Variants in GJB5 observed in about 807,000 individuals in gnomAD.
GJB5 encodes gap junction protein beta 5.
For missense variants in GJB5, 333 were observed against 357.9 expected (o/e 0.93, Z 0.56); for synonymous variants, 146 against 145.5 (o/e 1.00, Z -0.02).
At chr1:34,755,549 T>C (rs1461428653) in intron 1 of GJB5, among the ~76,000 whole-genome samples, 1 of 152,136 alleles carries the variant, frequency 6.6e-6, no homozygotes, top group African/African-American at 2.4e-5. Context: ...GGACTGAGCA[T>C]GCAAGATGGT....
Position 34,757,623 on chromosome 1 carries a change from G to A in GJB5, c.293G>A (p.Arg98Gln), listed in dbSNP as rs201232208. Residue 98 changes from arginine to glutamine, a missense_variant, in exon 2 of 2, where the codon CGG (arginine) becomes CAG (glutamine). By Grantham distance (43) the Arg-to-Gln change is conservative. Coordinates refer to ENST00000338513, the MANE Select transcript of GJB5 (RefSeq NM_005268.4). Reference protein sequence around the residue: ...SLLVVMHVAYREVQEKRHREA... With the variant: ...SLLVVMHVAYQEVQEKRHREA... ...CTCGTGGTCATGCACGTGGCCTACC[G>A]GGAGGTTCAGGAGAAGAGGCACCGA... The A allele has an allele frequency of 1.6e-4, 263 of 1,614,004 alleles. 2 individuals carry two copies. Among genetic ancestry groups the A allele is most frequent in the Middle Eastern group, 6.6e-4 (4 of 6,060 alleles).
At position 34,757,775 on chromosome 1, in the gene GJB5, T is replaced by A; in HGVS notation, c.445T>A (p.Phe149Ile). ...CGTGGACATCGCCTTTCTCTATGTG[T>A]TCCACTCATTCTACCCCAAATATAT... ...ASVDIAFLYVFHSFYPKYILP... is the reference protein window; with the variant it reads ...ASVDIAFLYVIHSFYPKYILP... The change falls in exon 2 of 2, where the codon TTC (phenylalanine) becomes ATC (isoleucine). Residue 149 changes from phenylalanine (F) to isoleucine (I), a missense_variant. Coordinates refer to ENST00000338513, the MANE Select transcript of GJB5 (RefSeq NM_005268.4). 1 of 1,613,988 alleles carries A rather than the reference T, an allele frequency of 6.2e-7. No individual in the cohort carries two copies. Among genetic ancestry groups the A allele is most frequent in the Non-Finnish European group, 8.5e-7 (1 of 1,179,994 alleles).
intron 1 of GJB5, among the ~76,000 whole-genome samples, chr1:34,757,081 T>C (rs765289591): frequency 6.6e-6 from 1 of 152,206 alleles, no homozygotes; most frequent in Non-Finnish European, 1.5e-5. Flanking sequence ...AGCTGGGTTC[T>C]GGACTTAATT....
At chr1:34,756,468 G>A (rs900663714) in intron 1 of GJB5, among the ~76,000 whole-genome samples, 1 of 152,168 alleles carries the variant, frequency 6.6e-6, no homozygotes, top group Non-Finnish European at 1.5e-5. Context: ...ACCTCTTTTG[G>A]TGAATTTATT....
Position 34,755,079 on chromosome 1 carries a change from G to A in GJB5, c.-141G>A, listed in dbSNP as rs1407677513. ...CCGGCAGGCTCTGTCCTGGAAACAGGCTTCAACGGGCTTCCCCGAAAACCT... is the reference window on the plus strand; with the variant it reads ...CCGGCAGGCTCTGTCCTGGAAACAGACTTCAACGGGCTTCCCCGAAAACCT... On this transcript the variant is annotated 5_prime_UTR_variant, in exon 1 of 2. Coordinates refer to ENST00000338513, the MANE Select transcript of GJB5 (RefSeq NM_005268.4). 1.3e-5 allele frequency: 2 copies of A among 152,436 alleles called. No homozygotes were observed. Among genetic ancestry groups the A allele is most frequent in the Non-Finnish European group, 2.9e-5 (2 of 68,232 alleles). The allele number at this position is 152,436 out of a possible 1,614,324, so 9.4% of individuals were successfully genotyped here.
Position 34,758,124 on chromosome 1 carries a change from G to A in GJB5, c.794G>A (p.Arg265Gln), listed in dbSNP as rs548262674. 44 of 1,613,816 alleles carry A rather than the reference G, an allele frequency of 2.7e-5. No homozygotes were observed. Among genetic ancestry groups the A allele is most frequent in the Middle Eastern group, 1.6e-4 (1 of 6,062 alleles). Reference sequence around the variant, plus strand: ...CCTCCTCTCTTACCAGACCGCCCCCGAGACCATGTGAAGAAAACCATCTTG... The same window carrying A: ...CCTCCTCTCTTACCAGACCGCCCCCAAGACCATGTGAAGAAAACCATCTTG... ...SHPPLLPDRP[R>Q]DHVKKTIL The change falls in exon 2 of 2, where the codon CGA (arginine) becomes CAA (glutamine). Residue 265 changes from arginine to glutamine, a missense_variant. Arg to Gln is a conservative substitution (Grantham distance 43). Transcript: ENST00000338513.
At position 34,757,810 on chromosome 1, in the gene GJB5, T is replaced by A. The variant is rs763182402; in HGVS notation, c.480T>A (p.Pro160=). Residue 160 remains proline, a synonymous_variant, in exon 2 of 2, where the codon CCT becomes CCA. Transcript: ENST00000338513. ...TCTACCCCAAATATATCCTCCCTCC[T>A]GTGGTCAAGTGCCACGCAGATCCAT... The part of the protein sequence containing the change: ...HSFYPKYILP[P]VVKCHADPCP... 9.9e-6 allele frequency: 16 copies of A among 1,613,850 alleles called. No homozygotes were observed. In the South Asian group the frequency reaches 1.5e-4, roughly 16 times the overall value.
At position 34,758,434 on chromosome 1, in the gene GJB5, T is replaced by G; in HGVS notation, c.*282T>G. 1 of 502,482 alleles carries G rather than the reference T, an allele frequency of 2.0e-6. No homozygotes were observed. Among genetic ancestry groups the G allele is most frequent in the Non-Finnish European group, 3.7e-6 (1 of 269,556 alleles). The allele number at this position is 502,482 out of a possible 1,614,324, so 31.1% of individuals were successfully genotyped here. On this transcript the variant is annotated 3_prime_UTR_variant, in exon 2 of 2. Coordinates refer to ENST00000338513, the MANE Select transcript of GJB5 (RefSeq NM_005268.4). ...AGGGTTGGAGGGAGGAGGGCGTTCA[T>G]AGAAGAACACACATGCGGGCACCTT...
At chr1:34,756,391 A>C (rs1639583353) in intron 1 of GJB5, among the ~76,000 whole-genome samples, 1 of 152,234 alleles carries the variant, frequency 6.6e-6, no homozygotes, top group South Asian at 2.1e-4. Context: ...ACAAGATGAT[A>C]AATGTTATGT....
At position 34,758,320 on chromosome 1, in the gene GJB5, G is replaced by C. The variant is rs61777183; in HGVS notation, c.*168G>C. The stretch of plus-strand genomic sequence containing the variant: ...TCCTAGTCCTCAACTCCAGCCACCT[G>C]CCCCAGCTCGACGGCACTGGGCCAG... On this transcript the variant is annotated 3_prime_UTR_variant, in exon 2 of 2. Transcript: ENST00000338513. 1.6e-6 allele frequency: 1 copy of C among 623,348 alleles called. No individual in the cohort carries two copies. The highest frequency in any genetic ancestry group is 2.9e-6 in the Non-Finnish European group (1 of 344,972). The allele number at this position is 623,348 out of a possible 1,614,324, so 38.6% of individuals were successfully genotyped here.
rs771101355 is a variant in GJB5, at chr1:34,757,817, A to G, written c.487A>G (p.Lys163Glu). The G allele has an allele frequency of 5.0e-6, 8 of 1,613,964 alleles. No individual in the cohort carries two copies. Among genetic ancestry groups the G allele is most frequent in the Non-Finnish European group, 6.8e-6 (8 of 1,179,990 alleles). ...CAAATATATCCTCCCTCCTGTGGTC[A>G]AGTGCCACGCAGATCCATGTCCCAA... ...YPKYILPPVVKCHADPCPNIV... is the reference protein window; with the variant it reads ...YPKYILPPVVECHADPCPNIV... The change falls in exon 2 of 2, where the codon AAG becomes GAG. Residue 163 changes from lysine to glutamate, a missense_variant. Physicochemically the swap from Lys to Glu is moderately conservative, Grantham distance 56 (BLOSUM62 1). Transcript: ENST00000338513.
chr1:34,758,145 T>A lies in GJB5; in HGVS notation c.815T>A (p.Ile272Asn), dbSNP rs1639633994. The change falls in exon 2 of 2, where the codon ATC becomes AAC. Residue 272 changes from isoleucine to asparagine, a missense_variant. Ile to Asn is a moderately radical substitution (Grantham distance 149). Transcript: ENST00000338513. ...CCCCGAGACCATGTGAAGAAAACCA[T>A]CTTGTGAGGGGCTGCCTGGACTGGT... Reference protein sequence around the residue: ...DRPRDHVKKTIL With the variant: ...DRPRDHVKKTNL The A allele has an allele frequency of 6.2e-7, 1 of 1,612,692 alleles. No homozygotes were observed. Among genetic ancestry groups the A allele is most frequent in the Admixed American group, 1.7e-5 (1 of 59,928 alleles).
At position 34,758,166 on chromosome 1, in the gene GJB5, C is replaced by T; in HGVS notation, c.*14C>T. The T allele has an allele frequency of 1.2e-6, 2 of 1,605,720 alleles. No individual in the cohort carries two copies. Among genetic ancestry groups the T allele is most frequent in the African/African-American group, 2.7e-5 (2 of 74,818 alleles). The stretch of plus-strand genomic sequence containing the variant: ...ACCATCTTGTGAGGGGCTGCCTGGA[C>T]TGGTCTGGCAGGTTGGGCCTGGATG... On this transcript the variant is annotated 3_prime_UTR_variant, in exon 2 of 2. Coordinates refer to ENST00000338513, the MANE Select transcript of GJB5 (RefSeq NM_005268.4).
Position 34,755,109 on chromosome 1 carries a change from C to A in GJB5, c.-111C>A, listed in dbSNP as rs932955989. 2.0e-5 allele frequency: 3 copies of A among 152,592 alleles called. No homozygotes were observed. The highest frequency in any genetic ancestry group is 2.9e-5 in the Non-Finnish European group (2 of 68,352). The allele number at this position is 152,592 out of a possible 1,614,324, so 9.5% of individuals were successfully genotyped here. On this transcript the variant is annotated 5_prime_UTR_variant, in exon 1 of 2. Transcript: ENST00000338513. ...AACGGGCTTCCCCGAAAACCTTCCC[C>A]GCTTCTGGATATGAAATTCAAGCTG...
At chr1:34,756,681 T>C (rs1224617916) in intron 1 of GJB5, among the ~76,000 whole-genome samples, 3 of 152,046 alleles carry the variant, frequency 2.0e-5, no homozygotes, top group Non-Finnish European at 4.4e-5. Context: ...GAGAATTTAT[T>C]GCTGCCTGCT....
chr1:34,756,494 A>G (rs754599867), intron 1 of GJB5, among the ~76,000 whole-genome samples: 7 of 152,198 alleles, frequency 4.6e-5, no homozygotes, highest in Non-Finnish European at 1.0e-4. Context: ...GTTTATTAGC[A>G]CGGTTGAGCA....
In GJB5 at chr1:34,757,255, C is replaced by G. The variant is rs534482785; in HGVS notation, c.-24-52C>G. 4.4e-5 allele frequency: 45 copies of G among 1,024,076 alleles called. 1 individual carries two copies. The highest frequency in any genetic ancestry group is 6.7e-5 in the Non-Finnish European group (45 of 674,402). 63.4% of individuals were successfully genotyped at this position (1,024,076 alleles called of 1,614,324 possible). Reference sequence around the variant, plus strand: ...TGATGACATATTTCTACAAAGTGCTCAGAGCAAGTCTGTGATAAATGTAGG... The same window carrying G: ...TGATGACATATTTCTACAAAGTGCTGAGAGCAAGTCTGTGATAAATGTAGG... On this transcript the variant is annotated intron_variant, in intron 1 of 1. Transcript: ENST00000338513.
intron 1 of GJB5, among the ~76,000 whole-genome samples, chr1:34,756,713 T>TGGTCATGCTTCAAA (rs1553166376): frequency 1.0e-3 from 153 of 152,038 alleles, no homozygotes; most frequent in Non-Finnish European, 3.2e-4. Context: ...CTGGATTGCA[T>TGGTCATGCTTCAAA]TGAGTGGCAC....
In GJB5 at chr1:34,757,529, G is replaced by A. The variant is rs758858840; in HGVS notation, c.199G>A (p.Glu67Lys). 1.7e-5 allele frequency: 27 copies of A among 1,614,152 alleles called. No homozygotes were observed. The South Asian group carries it at 2.9e-4, about 17-fold the overall frequency. Reference protein sequence around the residue: ...QPGCSNVCFDEFFPVSHVRLW... With the variant: ...QPGCSNVCFDKFFPVSHVRLW... ...CGGCTGCTCCAACGTCTGCTTTGAT[G>A]AGTTCTTCCCTGTGTCCCATGTGCG... is the stretch of plus-strand genomic sequence containing the variant. Residue 67 changes from glutamate (E) to lysine (K), a missense_variant, in exon 2 of 2, where the codon GAG (glutamate) becomes AAG (lysine). By Grantham distance (56) the Glu-to-Lys change is moderately conservative (BLOSUM62 1). Transcript: ENST00000338513.
Sources: gnomAD v4.1 joint callset for allele counts (sites outside exome capture counted in the v4.1 genomes callset) on GRCh38, gnomAD v4.1.1 for gene constraint, MANE v1.5 for transcripts, NCBI Gene and HGNC (gene_info 2026-07-23, HGNC 2026-07-21) for gene names.